Variants in ANK2 observed in about 807,000 individuals in gnomAD.
The protein encoded by ANK2 is ankyrin 2.
A neutral mutation model predicts 360.5 loss-of-function variants in ANK2; 83 were observed. That is an observed-to-expected ratio of 0.23 (90% CI 0.19 to 0.28). The LOEUF is 0.28. Ranked by LOEUF, ANK2 falls within the 10% of genes least tolerant of loss-of-function variation. The pLI, the probability that ANK2 is intolerant of heterozygous loss-of-function variation, is 1.00. For synonymous variants in ANK2, 1,740 were observed against 1,759.5 expected (o/e 0.99, Z 0.28); for missense variants, 4,201 against 4,795.7 (o/e 0.88, Z 3.66).
chr4:112,765,593 C>T, the ANK2 span, among the ~76,000 whole-genome samples: 1 of 151,292 alleles, frequency 6.6e-6, no homozygotes, highest in Non-Finnish European at 1.5e-5. Flanking sequence ...CATTAAAACC[C>T]TTGCTTGCCT....
In ANK2 at chr4:113,330,273, C is replaced by T. The variant is rs1215657993; in HGVS notation, c.2928C>T (p.Ala976=). The T allele has an allele frequency of 6.2e-7, 1 of 1,614,080 alleles. No individual in the cohort carries two copies. The highest frequency in any genetic ancestry group is 2.2e-5 in the East Asian group (1 of 44,880). The change falls in exon 27 of 46, where the codon GCC becomes GCT. Residue 976 remains alanine, a synonymous_variant. Coordinates refer to ENST00000357077, the MANE Select transcript of ANK2 (RefSeq NM_001148.6). ...SGFLVSFMVD[A]RGGAMRGCRH... is the part of the protein sequence containing the mutation. ...TCCTGGTTAGTTTTATGGTGGATGC[C>T]CGAGGTGGTGCTATGCGAGGATGCA...
chr4:112,988,584 T>G (rs984103097), intron 2 of ANK2, among the ~76,000 whole-genome samples: 1 of 152,232 alleles, frequency 6.6e-6, no homozygotes, highest in Non-Finnish European at 1.5e-5. Flanking sequence ...TCACTTCCAG[T>G]TCCCAGATTT....
chr4:113,163,788 A>AAAAAAAAAAAAAAAAG (rs2097651402), intron 1 of ANK2, among the ~76,000 whole-genome samples: 1 of 105,946 alleles, frequency 9.4e-6, no homozygotes, highest in African/African-American at 3.2e-5. Context: ...AAAAAAAAAA[A>AAAAAAAAAAAAAAAAG]AAAAGAAAAC....
At chr4:113,030,587 C>T (rs17045384) in intron 2 of ANK2, among the ~76,000 whole-genome samples, 27,137 of 151,658 alleles carry the variant, frequency 0.18, 2,733 homozygotes, top group East Asian at 0.37. Context: ...GGACTCAGTG[C>T]GAGAAATGAA....
chr4:112,881,880 A>G, intron 1 of ANK2: 1 of 734,366 alleles, frequency 1.4e-6, no homozygotes, highest in Middle Eastern at 3.8e-4. Context: ...TTCTCTTGAG[A>G]CCGCTCTCTT....
Position 113,160,294 on chromosome 4 carries a change from G to A in ANK2, c.85-14122G>A, listed in dbSNP as rs576262145. The A allele has an allele frequency of 2.5e-5, 10 of 406,290 alleles. No homozygotes were observed. In the East Asian group the frequency reaches 9.0e-4, roughly 36 times the overall value. The allele number at this position is 406,290 out of a possible 1,614,324, so 25.2% of individuals were successfully genotyped here. On this transcript the variant is annotated intron_variant, in intron 1 of 45. Coordinates refer to ENST00000357077, the MANE Select transcript of ANK2 (RefSeq NM_001148.6). Reference sequence around the variant, plus strand: ...TGTCAAGGCTGGTCTCAAACTCCTGGAGCTCAAGTGATCCTCTTGCTTCAG... The same window carrying A: ...TGTCAAGGCTGGTCTCAAACTCCTGAAGCTCAAGTGATCCTCTTGCTTCAG...
At chr4:113,181,629 G>A (rs978343223) in intron 2 of ANK2, among the ~76,000 whole-genome samples, 1 of 152,176 alleles carries the variant, frequency 6.6e-6, no homozygotes, top group African/African-American at 2.4e-5. Context: ...TGGAATGGGA[G>A]CGGTGTGTCA....
chr4:113,303,028 T>G (rs548165409), intron 23 of ANK2, among the ~76,000 whole-genome samples, 189 bp downstream of exon 23: 5 of 152,206 alleles, frequency 3.3e-5, no homozygotes, highest in African/African-American at 9.7e-5. Flanking sequence ...TTCTGATTAG[T>G]ATATTTGTTT....
At chr4:113,136,964 G>T (rs1457883197) in intron 1 of ANK2, among the ~76,000 whole-genome samples, 1 of 151,912 alleles carries the variant, frequency 6.6e-6, no homozygotes, top group Non-Finnish European at 1.5e-5. Flanking sequence ...CACCATGCTG[G>T]CCAAGCTGGT....
rs185286836 is a variant in ANK2, at chr4:112,826,591, C to G, written c.-40+8327C>G. ...TCACAACCAGCTGGGATTCCACAGG[C>G]AGTTAAAGTCAAGCAACTAGTAGTT... On this transcript the variant is annotated intron_variant, in intron 1 of 30. Coordinates refer to the ANK2 transcript ENST00000503271. The G allele has an allele frequency of 7.0e-5, 100 of 1,424,858 alleles. No individual in the cohort carries two copies. The African/African-American group carries it at 1.4e-3, about 20-fold the overall frequency. The allele number at this position is 1,424,858 out of a possible 1,614,324, so 88.3% of individuals were successfully genotyped here. A position where few individuals can be genotyped will look rare whatever the true frequency, so the allele number is the denominator to read the frequency against.
chr4:113,117,814 T>C (rs1385444378), intron 1 of ANK2, among the ~76,000 whole-genome samples: 1 of 152,150 alleles, frequency 6.6e-6, no homozygotes, highest in Non-Finnish European at 1.5e-5. Context: ...ACTCTATCTT[T>C]AGCAGTGTGT....
chr4:113,161,867 T>C (rs115006787), intron 1 of ANK2, among the ~76,000 whole-genome samples: 1,588 of 152,256 alleles, frequency 0.01, 19 homozygotes, highest in African/African-American at 0.036. Context: ...AGGACATTCA[T>C]GAGCAGAGAA....
chr4:113,277,754 G>A, intron 15 of ANK2, 83 bp from the exon 16 acceptor site: 2 of 1,080,486 alleles, frequency 1.9e-6, no homozygotes, highest in Non-Finnish European at 1.4e-6. Context: ...AGTATACTTT[G>A]CTCAATATGT....
chr4:112,735,490 T>C, the ANK2 span, among the ~76,000 whole-genome samples: 3 of 152,140 alleles, frequency 2.0e-5, no homozygotes, highest in Non-Finnish European at 4.4e-5. Flanking sequence ...ATTTTGCTTA[T>C]CTCTTCATCT....
At chr4:113,147,319 C>T (rs2096872581) in intron 1 of ANK2, among the ~76,000 whole-genome samples, 1 of 152,194 alleles carries the variant, frequency 6.6e-6, no homozygotes, top group Admixed American at 6.5e-5. Flanking sequence ...GAGAGCCGCT[C>T]TGGACTTCTC....
chr4:112,740,017 G>A, the ANK2 span, among the ~76,000 whole-genome samples: 1 of 151,864 alleles, frequency 6.6e-6, no homozygotes. Flanking sequence ...AAATAAAATA[G>A]TAATAAAGTT....
Position 113,356,673 on chromosome 4 carries a change from A to G in ANK2, c.8055A>G (p.Pro2685=), listed in dbSNP as rs2095800554. The change falls in exon 38 of 46, where the codon CCA becomes CCG. Residue 2685 remains proline (P), a synonymous_variant. Coordinates refer to ENST00000357077, the MANE Select transcript of ANK2 (RefSeq NM_001148.6). Reference sequence around the variant, plus strand: ...CTGACTCAGGCCTTTTACCAGAACCAGTGATTCGAGTACAACCTCCTTCTC... The same window carrying G: ...CTGACTCAGGCCTTTTACCAGAACCGGTGATTCGAGTACAACCTCCTTCTC... ...KGADSGLLPE[P]VIRVQPPSPL... 4 of 1,614,126 alleles carry G rather than the reference A, an allele frequency of 2.5e-6. No homozygotes were observed. The East Asian group carries it at 6.7e-5, about 27-fold the overall frequency.
chr4:113,311,279 G>A lies in ANK2; in HGVS notation c.2573G>A (p.Gly858Glu). 1.2e-6 allele frequency: 2 copies of A among 1,614,066 alleles called. No individual in the cohort carries two copies. Among genetic ancestry groups the A allele is most frequent in the Non-Finnish European group, 1.7e-6 (2 of 1,180,000 alleles). The change falls in exon 24 of 46, where the codon GGG becomes GAG. Residue 858 changes from glycine to glutamate, a missense_variant. Around this residue, in one of 4 missense-constraint regions of ANK2, gnomAD observed 1,268 missense variants for 1,650.8 expected, o/e 0.77. Transcript: ENST00000357077. ...GGTGATGACACAATGACTGGTGATG[G>A]GGGAGAATACCTTAGGCCTGAGGAC... ...EEGDDTMTGD[G>E]GEYLRPEDLK...
chr4:113,382,922 T>C lies in ANK2; in HGVS notation c.*1451T>C, dbSNP rs181785144. Reference sequence around the variant, plus strand: ...GTGCATTTGTGCACTTCTGTTTGTTTGTCTCAAAGAAGGGACTGTAACAAT... The same window carrying C: ...GTGCATTTGTGCACTTCTGTTTGTTCGTCTCAAAGAAGGGACTGTAACAAT... On this transcript the variant is annotated 3_prime_UTR_variant, in exon 46 of 46. Transcript: ENST00000357077. The C allele has an allele frequency of 6.5e-6, 1 of 152,734 alleles. No individual in the cohort carries two copies. The highest frequency in any genetic ancestry group is 1.9e-4 in the East Asian group (1 of 5,182). 9.5% of individuals were successfully genotyped at this position (152,734 alleles called of 1,614,324 possible).
Sources: gnomAD v4.1 joint callset for allele counts (sites outside exome capture counted in the v4.1 genomes callset) on GRCh38, gnomAD v4.1.1 for gene constraint, gnomAD v4.1.1 regional missense constraint, MANE v1.5 for transcripts, NCBI Gene and HGNC (gene_info 2026-07-23, HGNC 2026-07-21) for gene names.